PSD2: variants seen among roughly 807,000 people sequenced by gnomAD.
PSD2 encodes pleckstrin and Sec7 domain containing 2.
Under a neutral mutation model 69.8 loss-of-function variants are expected in PSD2, and 38 were observed. The ratio of observed to expected loss-of-function variants is 0.54; its 90% CI spans 0.42 to 0.71. The LOEUF is 0.71. PSD2 is among the 30% of genes least tolerant of loss of function. PSD2 has a pLI of 0.00. For missense variants in PSD2, 943 were observed against 1,014.5 expected (o/e 0.93, Z 0.96); for synonymous variants, 412 against 423.0 (o/e 0.97, Z 0.32).
chr5:139,783,673 C>A, the PSD2 span, among the ~76,000 whole-genome samples: 1 of 152,124 alleles, frequency 6.6e-6, no homozygotes, highest in East Asian at 1.9e-4. Context: ...CATAACCCTG[C>A]TGTTGGGTTC....
chr5:139,776,855 C>G, the PSD2 span, among the ~76,000 whole-genome samples: 1 of 152,138 alleles, frequency 6.6e-6, no homozygotes, highest in Admixed American at 6.6e-5. Context: ...CCTGGCCAGC[C>G]TATAAATCCC....
the PSD2 span, among the ~76,000 whole-genome samples, chr5:139,789,995 G>T: frequency 1.0e-3 from 152 of 148,278 alleles, no homozygotes; most frequent in African/African-American, 3.3e-3. Flanking sequence ...GCACGGGGCC[G>T]GGCGGGCGCT....
At chr5:139,826,289 G>A (rs1760418736) in intron 7 of PSD2, among the ~76,000 whole-genome samples, 1 of 152,210 alleles carries the variant, frequency 6.6e-6, no homozygotes. Context: ...GGGCCTGACA[G>A]GAGCCAGCGG....
At chr5:139,763,495 C>T in the PSD2 span, among the ~76,000 whole-genome samples, 9 of 152,338 alleles carry the variant, frequency 5.9e-5, no homozygotes, top group East Asian at 1.2e-3. Flanking sequence ...GGACTCAAGC[C>T]GAGTGGGCCC....
At position 139,836,916 on chromosome 5, in the gene PSD2, G is replaced by T; in HGVS notation, c.1509G>T (p.Leu503=). 2 of 1,614,190 alleles carry T rather than the reference G, an allele frequency of 1.2e-6. No homozygotes were observed. The highest frequency in any genetic ancestry group is 1.7e-6 in the Non-Finnish European group (2 of 1,180,018). The change falls in exon 10 of 15, where the codon CTG becomes CTT. Residue 503 remains leucine (L), a synonymous_variant. Coordinates refer to ENST00000274710, the MANE Select transcript of PSD2 (RefSeq NM_032289.4). ...TRILDGGNPF[L]DVPQALSATT... is the part of the protein sequence containing the mutation. ...TCCTGGATGGTGGCAACCCCTTCCTGGATGTCCCACAGGCGCTCAGTGCCA... is the reference window on the plus strand; with the variant it reads ...TCCTGGATGGTGGCAACCCCTTCCTTGATGTCCCACAGGCGCTCAGTGCCA...
chr5:139,747,190 C>G, the PSD2 span, among the ~76,000 whole-genome samples: 1 of 152,166 alleles, frequency 6.6e-6, no homozygotes, highest in Non-Finnish European at 1.5e-5. The surrounding 1 kb of genome is among the most constrained non-coding windows in gnomAD (Gnocchi z 6.7). Context: ...CCGCTCGCCT[C>G]TTGCTCATTT....
intron 7 of PSD2, among the ~76,000 whole-genome samples, chr5:139,826,434 G>A (rs1444750837): frequency 6.6e-6 from 1 of 152,210 alleles, no homozygotes; most frequent in Non-Finnish European, 1.5e-5. Flanking sequence ...AGCACAGGTG[G>A]GAAGTGGCCT....
rs144446296 is a variant in PSD2 at position 139,814,303 on chromosome 5, C to T, written c.955C>T (p.Arg319Cys). 16 of 1,613,308 alleles carry T rather than the reference C, an allele frequency of 9.9e-6. No individual in the cohort carries two copies. Among genetic ancestry groups the T allele is most frequent in the African/African-American group, 2.7e-5 (2 of 74,888 alleles). ...GVSEAAHRLA[R>C]RLYHLEGFQR... Reference sequence around the variant, plus strand: ...CAGTGAAGCTGCTCATCGGCTGGCACGCCGTCTCTACCACCTCGAGGGCTT... The same window carrying T: ...CAGTGAAGCTGCTCATCGGCTGGCATGCCGTCTCTACCACCTCGAGGGCTT... The change falls in exon 4 of 15, where the codon CGC (arginine) becomes TGC (cysteine). Residue 319 changes from arginine (R) to cysteine (C), a missense_variant. Physicochemically the swap from Arg to Cys is radical, Grantham distance 180. Coordinates refer to ENST00000274710, the MANE Select transcript of PSD2 (RefSeq NM_032289.4). This position sits in a 1 kb window ranked among gnomAD's most constrained non-coding sequence, Gnocchi z 4.4.
Position 139,839,119 on chromosome 5 carries a change from C to T in PSD2, c.1968+347C>T, listed in dbSNP as rs1011074331. Among the ~76,000 whole-genome samples, 2 of 152,364 alleles carry T rather than the reference C, an allele frequency of 1.3e-5. No homozygotes were observed. Among genetic ancestry groups the T allele is most frequent in the South Asian group, 2.1e-4 (1 of 4,832 alleles). On this transcript the variant is annotated intron_variant, in intron 13 of 14. Transcript: ENST00000274710. The surrounding 1 kb of genome is among the most constrained non-coding windows in gnomAD (Gnocchi z 5.1). ...GCTTGCACAGGTGACACCTGGCTGACGCTTCATCCAGTGCTCTTTTGCTGC... is the reference window on the plus strand; with the variant it reads ...GCTTGCACAGGTGACACCTGGCTGATGCTTCATCCAGTGCTCTTTTGCTGC...
In PSD2 at chr5:139,842,608, G is replaced by A. The variant is rs1760902602; in HGVS notation, c.*134G>A. 1 of 764,906 alleles carries A rather than the reference G, an allele frequency of 1.3e-6. No individual in the cohort carries two copies. Among genetic ancestry groups the A allele is most frequent in the Non-Finnish European group, 2.1e-6 (1 of 471,008 alleles). The allele number at this position is 764,906 out of a possible 1,614,324, so 47.4% of individuals were successfully genotyped here. Reference sequence around the variant, plus strand: ...GCTAGAGGGGTGCAGAAAGCCTGTGGGCCCAGGAGATGGAGATGCCGTTTG... The same window carrying A: ...GCTAGAGGGGTGCAGAAAGCCTGTGAGCCCAGGAGATGGAGATGCCGTTTG... On this transcript the variant is annotated 3_prime_UTR_variant, in exon 15 of 15. Coordinates refer to ENST00000274710, the MANE Select transcript of PSD2 (RefSeq NM_032289.4).
chr5:139,745,715 A>G, the PSD2 span, among the ~76,000 whole-genome samples: 1 of 152,156 alleles, frequency 6.6e-6, no homozygotes. Flanking sequence ...GAGCAAACCC[A>G]CTTCTTGAGG....
the PSD2 span, among the ~76,000 whole-genome samples, chr5:139,779,133 AT>A: frequency 8.6e-5 from 13 of 151,594 alleles, no homozygotes; most frequent in African/African-American, 2.7e-4. Context: ...TTATTTATTA[AT>A]TTTTTTTATT....
At chr5:139,758,227 G>C in the PSD2 span, among the ~76,000 whole-genome samples, 2 of 152,090 alleles carry the variant, frequency 1.3e-5, no homozygotes, top group Non-Finnish European at 2.9e-5. Flanking sequence ...TGCTCACAAG[G>C]GTGGGGTTTC....
chr5:139,792,859 T>TTTCCTTCCTTCCTTCCTTCCTTCC (rs141834556), upstream of PSD2, among the ~76,000 whole-genome samples: 29 of 107,890 alleles, frequency 2.7e-4, no homozygotes, highest in South Asian at 7.6e-4. Flanking sequence ...TCTTTCTGTC[T>TTTCCTTCCTTCCTTCCTTCCTTCC]TTCCTTCCTT....
At chr5:139,820,047 G>A (rs922643665) in intron 5 of PSD2, among the ~76,000 whole-genome samples, 2 of 152,202 alleles carry the variant, frequency 1.3e-5, no homozygotes. Flanking sequence ...ACAAGCATGA[G>A]GTTGGGCAGA....
intron 7 of PSD2, among the ~76,000 whole-genome samples, chr5:139,824,197 C>T (rs1760349578): frequency 6.6e-6 from 1 of 152,180 alleles, no homozygotes; most frequent in South Asian, 2.1e-4. Context: ...TGGCTAAGAA[C>T]TGCTAAGGAG....
chr5:139,835,087 C>A (rs1760684296), intron 8 of PSD2, among the ~76,000 whole-genome samples: 1 of 151,910 alleles, frequency 6.6e-6, no homozygotes, highest in Admixed American at 6.6e-5. Context: ...TCTACTCACC[C>A]ATCCCCCATC....
At chr5:139,840,655 A>G (rs1395664305) in intron 14 of PSD2, among the ~76,000 whole-genome samples, 1 of 151,614 alleles carries the variant, frequency 6.6e-6, no homozygotes, top group African/African-American at 2.4e-5. Context: ...GGTTCAAGCA[A>G]TTCTCCTGCC....
At chr5:139,781,061 C>G in the PSD2 span, among the ~76,000 whole-genome samples, 1 of 152,114 alleles carries the variant, frequency 6.6e-6, no homozygotes, top group African/African-American at 2.4e-5. Context: ...TGATGCCATC[C>G]CCTTTCATCT....
Sources: gnomAD v4.1 joint callset for allele counts (sites outside exome capture counted in the v4.1 genomes callset) on GRCh38, gnomAD v4.1.1 for gene constraint, Gnocchi (gnomAD v3.1) non-coding constraint, MANE v1.5 for transcripts, NCBI Gene and HGNC (gene_info 2026-07-23, HGNC 2026-07-21) for gene names.